The following SASH3 variants were observed in gnomAD, a reference collection of about 807,000 sequenced individuals.
SASH3 encodes the protein SAM and SH3 domain containing 3.
Under a neutral mutation model 26.1 loss-of-function variants are expected in SASH3, and 7 were observed. The observed-to-expected ratio is 0.27, with a 90% CI of 0.15 to 0.50. The LOEUF is 0.50. Ranked by LOEUF, SASH3 falls within the 20% of genes least tolerant of loss-of-function variation. SASH3 has a pLI of 0.98. For synonymous variants in SASH3, 138 were observed against 136.8 expected (o/e 1.01, Z -0.06); for missense variants, 231 against 318.3 (o/e 0.73, Z 2.09).
chrX:129,794,488 G>C lies in SASH3; in HGVS notation c.*656G>C, dbSNP rs1428023042. ...AGAAAGGGTGATCACTGAAGGCCTT[G>C]CCTGCTCTGACATTCTGTGACATTA... is the stretch of plus-strand genomic sequence containing the variant. On this transcript the variant is annotated 3_prime_UTR_variant, in exon 8 of 8. Transcript: ENST00000356892. 5 of 111,545 alleles carry C rather than the reference G, an allele frequency of 4.5e-5. No individual in the cohort carries two copies. The highest frequency in any genetic ancestry group is 9.4e-5 in the Non-Finnish European group (5 of 53,173). The allele number at this position is 111,545 out of a possible 1,213,427, so 9.2% of individuals were successfully genotyped here. A position where few individuals can be genotyped will look rare whatever the true frequency, so the allele number is the denominator to read the frequency against.
intron 1 of SASH3, among the ~76,000 whole-genome samples, chrX:129,786,685 G>A (rs1201590791): frequency 8.9e-6 from 1 of 111,755 alleles, no homozygotes; most frequent in Non-Finnish European, 1.9e-5. Flanking sequence ...CCTTGCATGT[G>A]CATGCATATA....
Position 129,788,083 on chromosome X carries a change from G to A in SASH3, c.153+13G>A. ...TCTGGATGATAACGTGAGTTTCAGG[G>A]CATCCTTGTGGGATCTGGCTGCAGG... is the stretch of plus-strand genomic sequence containing the variant. On this transcript the variant is annotated intron_variant, in intron 2 of 7. Transcript: ENST00000356892. 1.0e-6 allele frequency: 1 copy of A among 977,961 alleles called. No individual in the cohort carries two copies. The highest frequency in any genetic ancestry group is 3.0e-4 in the Middle Eastern group (1 of 3,338). The allele number at this position is 977,961 out of a possible 1,213,427, so 80.6% of individuals were successfully genotyped here. A position where few individuals can be genotyped will look rare whatever the true frequency, so the allele number is the denominator to read the frequency against.
In SASH3 at chrX:129,793,506, C is replaced by G. The variant is rs114378847; in HGVS notation, c.953-136C>G. 9.6e-3 allele frequency: 6,437 copies of G among 669,850 alleles called. 279 individuals are homozygous for G. In the African/African-American group the frequency reaches 0.12, roughly 13 times the overall value. 55.2% of individuals were successfully genotyped at this position (669,850 alleles called of 1,213,427 possible). A position where few individuals can be genotyped will look rare whatever the true frequency, so the allele number is the denominator to read the frequency against. ...GAGCTGGCCTGGAAACAACTCCTAC[C>G]AGCTTCTAAGCTGGAAGCAGTGAGG... On this transcript the variant is annotated intron_variant, in intron 7 of 7. Coordinates refer to ENST00000356892, the MANE Select transcript of SASH3 (RefSeq NM_018990.4).
chrX:129,794,024 C>T lies in SASH3; in HGVS notation c.*192C>T, dbSNP rs564249199. On this transcript the variant is annotated 3_prime_UTR_variant, in exon 8 of 8. Coordinates refer to ENST00000356892, the MANE Select transcript of SASH3 (RefSeq NM_018990.4). ...GGCTCAGCTGGAGTGGTTGGGGAGT[C>T]GCCCAAGGGCACATCCCACCTGCCT... 35 of 424,456 alleles carry T rather than the reference C, an allele frequency of 8.2e-5. No homozygotes were observed. Among genetic ancestry groups the T allele is most frequent in the South Asian group, 1.9e-4 (4 of 21,468 alleles). The allele number at this position is 424,456 out of a possible 1,213,427, so 35.0% of individuals were successfully genotyped here. A position where few individuals can be genotyped will look rare whatever the true frequency, so the allele number is the denominator to read the frequency against.
At chrX:129,788,116 C>CGGGGGGG in intron 2 of SASH3, 46 bp downstream of exon 2, 1 of 107,129 alleles carries the variant, frequency 9.3e-6, no homozygotes, top group African/African-American at 1.3e-4. Context: ...AGGCCCTGGG[C>CGGGGGGG]AGGGGGGTGG....
rs1186034590 is a variant in SASH3, at chrX:129,794,192, C to T, written c.*360C>T. The T allele has an allele frequency of 1.2e-5, 3 of 250,750 alleles. No homozygotes were observed. Among genetic ancestry groups the T allele is most frequent in the Non-Finnish European group, 2.2e-5 (3 of 138,571 alleles). The allele number at this position is 250,750 out of a possible 1,213,427, so 20.7% of individuals were successfully genotyped here. A position where few individuals can be genotyped will look rare whatever the true frequency, so the allele number is the denominator to read the frequency against. On this transcript the variant is annotated 3_prime_UTR_variant, in exon 8 of 8. Coordinates refer to ENST00000356892, the MANE Select transcript of SASH3 (RefSeq NM_018990.4). ...CAACAAGGCCTCCAAATCCTCCTCA[C>T]CCCCACACCACCTACCCCTGTCGCA... is the stretch of plus-strand genomic sequence containing the variant.
Position 129,794,705 on chromosome X carries a change from C to A in SASH3, c.*873C>A, listed in dbSNP as rs1312864053. ...CCATACCTCATACGATATGCGCCCT[C>A]CCGTTCCATCCCTGGCCCCCTCAAA... On this transcript the variant is annotated 3_prime_UTR_variant, in exon 8 of 8. Coordinates refer to ENST00000356892, the MANE Select transcript of SASH3 (RefSeq NM_018990.4). The A allele has an allele frequency of 2.7e-5, 3 of 111,409 alleles. 1 individual carries two copies. Among genetic ancestry groups the A allele is most frequent in the Middle Eastern group, 8.4e-3 (2 of 237 alleles). The allele number at this position is 111,409 out of a possible 1,213,427, so 9.2% of individuals were successfully genotyped here.
intron 4 of SASH3, 43 bp downstream of exon 4, chrX:129,791,124 A>G (rs1418678175): frequency 1.7e-6 from 2 of 1,188,080 alleles, no homozygotes; most frequent in East Asian, 5.9e-5. Flanking sequence ...TCTGGAGGAA[A>G]GGACTGGGTT....
chrX:129,787,826 G>A (rs1927135368), intron 1 of SASH3, 149 bp from the exon 2 acceptor site: 5 of 467,860 alleles, frequency 1.1e-5, no homozygotes, highest in Admixed American at 3.3e-5. Context: ...CAAGAACATC[G>A]AGGTGCGTCA....
rs760819411 is a variant in SASH3 at position 129,791,009 on chromosome X, G to A, written c.370G>A (p.Glu124Lys). 28 of 1,210,146 alleles carry A rather than the reference G, an allele frequency of 2.3e-5. No individual in the cohort carries two copies. The South Asian group carries it at 2.6e-4, about 11-fold the overall frequency. The stretch of plus-strand genomic sequence containing the variant: ...CTACAGCCTGGACAGCCCTGGCCCT[G>A]AGAAGATGGCGCTGGCCTTTTCTGA... Reference protein sequence around the residue: ...PDYSLDSPGPEKMALAFSEQE... With the variant: ...PDYSLDSPGPKKMALAFSEQE... The change falls in exon 4 of 8, where the codon GAG (glutamate) becomes AAG (lysine). Residue 124 changes from glutamate (E) to lysine (K), a missense_variant. Coordinates refer to ENST00000356892, the MANE Select transcript of SASH3 (RefSeq NM_018990.4).
intron 3 of SASH3, among the ~76,000 whole-genome samples, chrX:129,789,113 GA>G (rs1203014154): frequency 1.0e-4 from 3 of 29,327 alleles, no homozygotes; most frequent in Non-Finnish European, 1.6e-4. Flanking sequence ...AAAAAAAAAA[GA>G]AAGAAAGAAA....
At position 129,794,121 on chromosome X, in the gene SASH3, G is replaced by A. The variant is rs1184059616; in HGVS notation, c.*289G>A. 1.5e-5 allele frequency: 5 copies of A among 344,181 alleles called. No individual in the cohort carries two copies. Among genetic ancestry groups the A allele is most frequent in the South Asian group, 7.5e-5 (1 of 13,407 alleles). The allele number at this position is 344,181 out of a possible 1,213,427, so 28.4% of individuals were successfully genotyped here. A position where few individuals can be genotyped will look rare whatever the true frequency, so the allele number is the denominator to read the frequency against. ...CCAACTGCTCCCCTGCCATGGCCAC[G>A]GCCACAGCAAGTGGGGCACTGGGAA... is the stretch of plus-strand genomic sequence containing the variant. On this transcript the variant is annotated 3_prime_UTR_variant, in exon 8 of 8. Coordinates refer to ENST00000356892, the MANE Select transcript of SASH3 (RefSeq NM_018990.4).
chrX:129,793,277 AT>A, intron 7 of SASH3, 138 bp downstream of exon 7: 1 of 719,222 alleles, frequency 1.4e-6, no homozygotes, highest in Non-Finnish European at 2.0e-6. Flanking sequence ...TTCCACTTGA[AT>A]TAGAATTTCA....
At chrX:129,788,137 G>GGGGGGGGCCGGGC in intron 2 of SASH3, 67 bp downstream of exon 2, 1 of 354,277 alleles carries the variant, frequency 2.8e-6, no homozygotes, top group Non-Finnish European at 5.4e-6. Flanking sequence ...GGGTGGGAGG[G>GGGGGGGGCCGGGC]AAGAGGGTGA....
chrX:129,782,726 C>T (rs973440628), intron 1 of SASH3, among the ~76,000 whole-genome samples: 3 of 111,821 alleles, frequency 2.7e-5, no homozygotes, highest in East Asian at 2.8e-4. Flanking sequence ...AGGAGAGCTC[C>T]GTGGGGCAGA....
intron 1 of SASH3, among the ~76,000 whole-genome samples, chrX:129,783,157 C>T (rs995786665): frequency 5.4e-5 from 6 of 111,416 alleles, no homozygotes; most frequent in South Asian, 7.5e-4. Context: ...CTTGGCCTGG[C>T]GGGCAAGAGC....
In SASH3 at chrX:129,779,961, C is replaced by T. The variant is rs1326469551; in HGVS notation, c.-137C>T. ...GTCCATGGCCCGCACCCCCAAGCTG[C>T]CACTGCAGCAGTCAGAGTGGCAGCT... On this transcript the variant is annotated 5_prime_UTR_variant, in exon 1 of 8. Coordinates refer to ENST00000356892, the MANE Select transcript of SASH3 (RefSeq NM_018990.4). 7.3e-6 allele frequency: 4 copies of T among 548,473 alleles called. No individual in the cohort carries two copies. The highest frequency in any genetic ancestry group is 2.3e-5 in the African/African-American group (1 of 43,068). The allele number at this position is 548,473 out of a possible 1,213,427, so 45.2% of individuals were successfully genotyped here.
At chrX:129,790,914 A>C (rs1265904844) in intron 3 of SASH3, 26 bp from the exon 4 acceptor site, 1 of 1,203,524 alleles carries the variant, frequency 8.3e-7, no homozygotes, top group Non-Finnish European at 1.1e-6. Flanking sequence ...AGGCTCCTTA[A>C]AGCTTCCCGC....
Position 129,793,666 on chromosome X carries a change from G to C in SASH3, c.977G>C (p.Gly326Ala). ...YDTGSEEAEE[G>A]AESSQEPVAH... is the part of the protein sequence containing the mutation. ...GCTGGCAGTGAGGAGGCTGAAGAGG[G>C]CGCCGAGAGCAGCCAGGAGCCAGTG... is the stretch of plus-strand genomic sequence containing the variant. Residue 326 changes from glycine to alanine, a missense_variant, in exon 8 of 8, where the codon GGC becomes GCC. Transcript: ENST00000356892. 8.3e-7 allele frequency: 1 copy of C among 1,211,801 alleles called. No homozygotes were observed. Among genetic ancestry groups the C allele is most frequent in the Non-Finnish European group, 1.1e-6 (1 of 895,339 alleles).
Sources: gnomAD v4.1 joint callset for allele counts (sites outside exome capture counted in the v4.1 genomes callset) on GRCh38, gnomAD v4.1.1 for gene constraint, MANE v1.5 for transcripts, NCBI Gene and HGNC (gene_info 2026-07-23, HGNC 2026-07-21) for gene names.